Variants in IFT81 observed in about 807,000 individuals in gnomAD.
IFT81 encodes the protein intraflagellar transport 81, also known as intraflagellar transport protein 81 homolog.
In IFT81, 72 loss-of-function variants were observed where a neutral mutation model predicts 102.6. The observed-to-expected ratio is 0.70, with a 90% CI of 0.58 to 0.85. The LOEUF is 0.85. Ranked by LOEUF, IFT81 falls within the 40% of genes least tolerant of loss-of-function variation. The probability of loss-of-function intolerance (pLI) is 0.00; values close to 1 mark genes in which losing one functional copy is unlikely to be tolerated. For missense variants in IFT81, 723 were observed against 787.3 expected (o/e 0.92, Z 0.98); for synonymous variants, 237 against 242.7 (o/e 0.98, Z 0.22).
intron 14 of IFT81, 142 bp downstream of exon 14, chr12:110,192,848 T>A (rs1341854109): frequency 3.7e-6 from 2 of 540,738 alleles, no homozygotes; most frequent in Non-Finnish European, 6.6e-6. Flanking sequence ...ATTGATACAA[T>A]TCTTCAAAAG....
At chr12:110,150,656 A>T (rs1009030988) in intron 10 of IFT81, among the ~76,000 whole-genome samples, 3 of 152,182 alleles carry the variant, frequency 2.0e-5, no homozygotes, top group African/African-American at 4.8e-5. Context: ...ATATTAATCC[A>T]CATTTTACAC....
chr12:110,205,677 T>C lies in IFT81; in HGVS notation c.1799T>C (p.Ile600Thr). Residue 600 changes from isoleucine to threonine, a missense_variant, in exon 17 of 19, where the codon ATT becomes ACT. Transcript: ENST00000242591. ...SSDQQEKRKAIREQYTKNTAE... is the reference protein window; with the variant it reads ...SSDQQEKRKATREQYTKNTAE... ...GATCAACAAGAAAAAAGAAAGGCAA[T>C]TAGGCAAGTGATTTTGTTGTTTTAT... 6.3e-7 allele frequency: 1 copy of C among 1,575,444 alleles called. No homozygotes were observed. The highest frequency in any genetic ancestry group is 1.2e-5 in the South Asian group (1 of 82,266).
In IFT81 at chr12:110,134,975, G is replaced by A; in HGVS notation, c.547G>A (p.Asp183Asn). ...KDISAMEEEK[D>N]QLIKRVEHLK... ...TATCAGTGCAATGGAAGAAGAAAAG[G>A]ATCAGCTCATTAAGAGAGTTGAACA... Residue 183 changes from aspartate to asparagine, a missense_variant, in exon 6 of 19, where the codon GAT becomes AAT. Coordinates refer to ENST00000242591, the MANE Select transcript of IFT81 (RefSeq NM_014055.4). 1 of 1,611,162 alleles carries A rather than the reference G, an allele frequency of 6.2e-7. No homozygotes were observed. The highest frequency in any genetic ancestry group is 8.5e-7 in the Non-Finnish European group (1 of 1,179,180).
At chr12:110,184,578 A>G (rs972002313) in intron 12 of IFT81, among the ~76,000 whole-genome samples, 7 of 152,202 alleles carry the variant, frequency 4.6e-5, no homozygotes, top group African/African-American at 1.7e-4. Context: ...GATTTATTGA[A>G]GGACATACTT....
At chr12:110,150,920 C>T (rs1895490160) in intron 10 of IFT81, among the ~76,000 whole-genome samples, 1 of 151,984 alleles carries the variant, frequency 6.6e-6, no homozygotes, top group Admixed American at 6.6e-5. Context: ...ACATATTAAA[C>T]ACACTCTTCT....
intron 8 of IFT81, among the ~76,000 whole-genome samples, chr12:110,141,012 C>T (rs1215985920): frequency 2.8e-5 from 4 of 145,116 alleles, no homozygotes; most frequent in Non-Finnish European, 4.5e-5. Flanking sequence ...CAGGCATGAG[C>T]CACCACGCCT....
At chr12:110,187,029 T>C (rs991930227) in intron 12 of IFT81, among the ~76,000 whole-genome samples, 4 of 152,168 alleles carry the variant, frequency 2.6e-5, no homozygotes, top group African/African-American at 9.6e-5. Flanking sequence ...ATTTTTCCAG[T>C]TGATTAATCT....
rs1894432703 is a variant in IFT81 at position 110,135,433 on chromosome 12, A to G, written c.692A>G (p.Asn231Ser). 1 of 1,572,080 alleles carries G rather than the reference A, an allele frequency of 6.4e-7. No homozygotes were observed. Among genetic ancestry groups the G allele is most frequent in the Non-Finnish European group, 8.7e-7 (1 of 1,143,914 alleles). Residue 231 changes from asparagine (N) to serine (S), a missense_variant, in exon 7 of 19, where the codon AAT (asparagine) becomes AGT (serine). Transcript: ENST00000242591. ...GCACAACAGAAACAGGAACAAAAGA[A>G]TCAGGTATCCACATAAAAGTTTATA... Reference protein sequence around the residue: ...YLAQQKQEQKNQLFHAVQRLQ... With the variant: ...YLAQQKQEQKSQLFHAVQRLQ...
chr12:110,190,955 T>C lies in IFT81; in HGVS notation c.1374T>C (p.Tyr458=), dbSNP rs1897768943. The C allele has an allele frequency of 1.9e-6, 3 of 1,602,378 alleles. No individual in the cohort carries two copies. The highest frequency in any genetic ancestry group is 1.7e-5 in the Admixed American group (1 of 57,960). ...TMEEKKGISG[Y]SYTQEELERV... ...AGGAGAAAAAGGGTATATCTGGATATAGTTACACCCAAGAAGAGCTAGAAA... is the reference window on the plus strand; with the variant it reads ...AGGAGAAAAAGGGTATATCTGGATACAGTTACACCCAAGAAGAGCTAGAAA... The change falls in exon 13 of 19, where the codon TAT becomes TAC. Residue 458 remains tyrosine, a synonymous_variant. Coordinates refer to ENST00000242591, the MANE Select transcript of IFT81 (RefSeq NM_014055.4).
At chr12:110,167,236 C>T (rs145970126) in intron 11 of IFT81, among the ~76,000 whole-genome samples, 1 of 152,158 alleles carries the variant, frequency 6.6e-6, no homozygotes, top group African/African-American at 2.4e-5. Flanking sequence ...ACTTCCCCCC[C>T]ATTGTACTTT....
chr12:110,159,623 C>T (rs985984693), intron 10 of IFT81, among the ~76,000 whole-genome samples: 1 of 152,142 alleles, frequency 6.6e-6, no homozygotes, highest in African/African-American at 2.4e-5. Flanking sequence ...AAAAAGGATC[C>T]GGACCTATAA....
chr12:110,212,635 A>G lies in IFT81; in HGVS notation c.1848+3419A>G, dbSNP rs144088328. ...GTGGGTCACCTGAGGTCAGGAGTTC[A>G]AGACCAGCCTGGCCAACATAGTGAA... is the stretch of plus-strand genomic sequence containing the variant. On this transcript the variant is annotated intron_variant, in intron 18 of 18. Coordinates refer to ENST00000242591, the MANE Select transcript of IFT81 (RefSeq NM_014055.4). Among the ~76,000 whole-genome samples the G allele has an allele frequency of 6.7e-3, 1,011 of 151,814 alleles. 7 individuals are homozygous for G. The highest frequency in any genetic ancestry group is 7.7e-3 in the Non-Finnish European group (520 of 67,882).
At chr12:110,180,303 C>T (rs566710476) in intron 11 of IFT81, 119 bp from the exon 12 acceptor site, 5 of 342,226 alleles carry the variant, frequency 1.5e-5, no homozygotes, top group African/African-American at 4.2e-5. Flanking sequence ...TTATTATATA[C>T]GTGTGACATG....
chr12:110,197,072 A>G (rs1898033174), intron 14 of IFT81, among the ~76,000 whole-genome samples: 2 of 152,024 alleles, frequency 1.3e-5, no homozygotes, highest in Admixed American at 1.3e-4. Flanking sequence ...GGGAGCACAC[A>G]TCTATAGTCT....
intron 10 of IFT81, among the ~76,000 whole-genome samples, chr12:110,149,262 T>C (rs1042714269): frequency 1.3e-5 from 2 of 152,184 alleles, no homozygotes; most frequent in Non-Finnish European, 2.9e-5. Flanking sequence ...AGTTCCCTTG[T>C]CCCCATCGCA....
chr12:110,187,174 CT>C (rs1897571762), intron 12 of IFT81, among the ~76,000 whole-genome samples: 1 of 152,072 alleles, frequency 6.6e-6, no homozygotes. Flanking sequence ...CATTCTTCAA[CT>C]TTTTGTTTAT....
At chr12:110,124,882 G>A (rs868267239) in intron 1 of IFT81, 21 bp downstream of exon 1, 1 of 152,276 alleles carries the variant, frequency 6.6e-6, no homozygotes, top group Non-Finnish European at 1.5e-5. Context: ...GGGAATTAGC[G>A]CGGCGACTTC....
chr12:110,135,532 C>T, intron 7 of IFT81, 95 bp downstream of exon 7: 1 of 740,716 alleles, frequency 1.4e-6, no homozygotes, highest in Non-Finnish European at 2.2e-6. Context: ...TGTAGACGTT[C>T]ACGTTCCTTT....
At chr12:110,166,366 A>G (rs775817818) in intron 11 of IFT81, among the ~76,000 whole-genome samples, 1 of 152,198 alleles carries the variant, frequency 6.6e-6, no homozygotes, top group Non-Finnish European at 1.5e-5. Context: ...GGAATAAGAT[A>G]GCATTAATGA....
Sources: allele counts gnomAD v4.1 joint callset (sites outside exome capture counted in the v4.1 genomes callset), GRCh38; gene constraint gnomAD v4.1.1; transcripts MANE v1.5; gene names NCBI Gene and HGNC (gene_info 2026-07-23, HGNC 2026-07-21).